The following CARD14 variants were observed in gnomAD, a reference collection of about 807,000 sequenced individuals.
CARD14 encodes the protein caspase recruitment domain-containing protein 14.
A neutral mutation model predicts 111.5 loss-of-function variants in CARD14; 107 were observed. The ratio of observed to expected loss-of-function variants is 0.96; its 90% CI spans 0.82 to 1.13. The LOEUF is 1.13. Among genes scored for constraint, CARD14 ranks in the 50% most tolerant of loss-of-function variants. The pLI is 0.00. For synonymous variants in CARD14, 617 were observed against 579.6 expected, an observed-to-expected ratio of 1.06 and a Z score of -0.93; for missense variants, 1,322 against 1,362.3, an observed-to-expected ratio of 0.97 and a Z score of 0.47.
At position 80,188,060 on chromosome 17, in the gene CARD14, C is replaced by T. The variant is rs2040403985; in HGVS notation, c.676-317C>T. 7 of 756,182 alleles carry T rather than the reference C, an allele frequency of 9.3e-6. No homozygotes were observed. Among genetic ancestry groups the T allele is most frequent in the South Asian group, 6.0e-5 (1 of 16,690 alleles). 46.8% of individuals were successfully genotyped at this position (756,182 alleles called of 1,614,324 possible). On this transcript the variant is annotated intron_variant, in intron 7 of 23. Transcript: ENST00000648509. The surrounding 1 kb of genome is among the most constrained non-coding windows in gnomAD (Gnocchi z 4.5). ...CAGGGAGCATGCTGGCCATCACTGC[C>T]GGCTGCTCAGCTGTAGAGATCCAGG... is the stretch of plus-strand genomic sequence containing the variant.
At chr17:80,194,729 A>AGGG (rs2040648886) in intron 12 of CARD14, among the ~76,000 whole-genome samples, 1 of 152,124 alleles carries the variant, frequency 6.6e-6, no homozygotes, top group Non-Finnish European at 1.5e-5. Flanking sequence ...CCCTTTATAA[A>AGGG]ACCATCAGAT....
chr17:80,189,525 A>C lies in CARD14; in HGVS notation c.844-228A>C, dbSNP rs372380596. Among the ~76,000 whole-genome samples the C allele has an allele frequency of 2.2e-4, 33 of 152,308 alleles. No homozygotes were observed. Among genetic ancestry groups the C allele is most frequent in the South Asian group, 2.1e-3 (10 of 4,826 alleles). Reference sequence around the variant, plus strand: ...GGTAAAGGGAGGAACTGGTGTCCTCAGAGGTTGCCAGCTTCCTGTGTTCCT... The same window carrying C: ...GGTAAAGGGAGGAACTGGTGTCCTCCGAGGTTGCCAGCTTCCTGTGTTCCT... On this transcript the variant is annotated intron_variant, in intron 8 of 23. Coordinates refer to ENST00000648509, the MANE Select transcript of CARD14 (RefSeq NM_001366385.1). The surrounding 1 kb of genome is among the most constrained non-coding windows in gnomAD (Gnocchi z 4.7).
chr17:80,202,164 T>C lies in CARD14; in HGVS notation c.1979-16T>C. On this transcript the variant is annotated splice_polypyrimidine_tract_variant and intron_variant, in intron 17 of 23. Transcript: ENST00000648509. ...GTATCTGTGGCTCATCTGTGGCTCA[T>C]GTCCCCTTTTATCAGGTTATAAGAG... is the stretch of plus-strand genomic sequence containing the variant. 1.9e-6 allele frequency: 3 copies of C among 1,600,132 alleles called. No individual in the cohort carries two copies. Among genetic ancestry groups the C allele is most frequent in the Non-Finnish European group, 2.6e-6 (3 of 1,168,546 alleles).
chr17:80,198,900 G>A lies in CARD14; in HGVS notation c.1851+309G>A. The A allele has an allele frequency of 2.3e-6, 3 of 1,289,158 alleles. No individual in the cohort carries two copies. The highest frequency in any genetic ancestry group is 3.0e-6 in the Non-Finnish European group (3 of 1,016,926). 79.9% of individuals were successfully genotyped at this position (1,289,158 alleles called of 1,614,324 possible). A position where few individuals can be genotyped will look rare whatever the true frequency, so the allele number is the denominator to read the frequency against. On this transcript the variant is annotated intron_variant, in intron 16 of 23. Coordinates refer to ENST00000648509, the MANE Select transcript of CARD14 (RefSeq NM_001366385.1). This position sits in a 1 kb window ranked among gnomAD's most constrained non-coding sequence, Gnocchi z 7.5. ...TGGGTGTGTACAGTAAAATACACGTGACATAAAATTCACTATTTTAACCAC... is the reference window on the plus strand; with the variant it reads ...TGGGTGTGTACAGTAAAATACACGTAACATAAAATTCACTATTTTAACCAC...
At position 80,188,524 on chromosome 17, in the gene CARD14, C is replaced by T. The variant is rs752302933; in HGVS notation, c.823C>T (p.Arg275Cys). Residue 275 changes from arginine to cysteine, a missense_variant, in exon 8 of 24, where the codon CGC (arginine) becomes TGC (cysteine). Transcript: ENST00000648509. The surrounding 1 kb of genome is among the most constrained non-coding windows in gnomAD (Gnocchi z 4.5). ...NRLKEENEKLRSLTFSLAEKD... is the reference protein window; with the variant it reads ...NRLKEENEKLCSLTFSLAEKD... ...CCTGAAGGAGGAGAATGAGAAACTG[C>T]GCTCGCTGACTTTCAGCCTGGTAGG... is the stretch of plus-strand genomic sequence containing the variant. 13 of 1,521,498 alleles carry T rather than the reference C, an allele frequency of 8.5e-6. No homozygotes were observed. Among genetic ancestry groups the T allele is most frequent in the Middle Eastern group, 1.9e-4 (1 of 5,188 alleles). 94.2% of individuals were successfully genotyped at this position (1,521,498 alleles called of 1,614,324 possible). A position where few individuals can be genotyped will look rare whatever the true frequency, so the allele number is the denominator to read the frequency against.
At chr17:80,207,349 G>A (rs926902316) in intron 23 of CARD14, among the ~76,000 whole-genome samples, 1 of 152,180 alleles carries the variant, frequency 6.6e-6, no homozygotes, top group Non-Finnish European at 1.5e-5. Context: ...TCAGCAGTTC[G>A]AGACCAGCCT....
At chr17:80,181,670 C>A in intron 5 of CARD14, 21 bp downstream of exon 5, 1 of 1,526,644 alleles carries the variant, frequency 6.6e-7, no homozygotes, top group Non-Finnish European at 8.8e-7. Context: ...CTCCCTCTTC[C>A]CCACCTCTTC....
At chr17:80,184,590 G>C (rs2040282116) in intron 7 of CARD14, among the ~76,000 whole-genome samples, 1 of 152,256 alleles carries the variant, frequency 6.6e-6, no homozygotes, top group South Asian at 2.1e-4. Context: ...CCCAGCTGCG[G>C]CAGTGACATG....
intron 9 of CARD14, 147 bp downstream of exon 9, chr17:80,190,019 T>A: frequency 8.8e-7 from 1 of 1,135,434 alleles, no homozygotes; most frequent in Non-Finnish European, 1.2e-6. Flanking sequence ...CATCTGTCCC[T>A]TTGTCAGCGC....
intron 23 of CARD14, chr17:80,207,472 A>T (rs1242916206): frequency 6.0e-6 from 1 of 167,180 alleles, no homozygotes; most frequent in Non-Finnish European, 1.3e-5. Context: ...AATTACTTGA[A>T]CTGGGAGGTG....
intron 6 of CARD14, 81 bp from the exon 7 acceptor site, chr17:80,183,816 ATGCTCACCTGCCCACC>A: frequency 2.3e-6 from 2 of 886,702 alleles, no homozygotes; most frequent in Non-Finnish European, 3.1e-6. Flanking sequence ...ACCTGCCCAC[ATGCTCACCTGCCCACC>A]TGCTCACCTG....
At chr17:80,176,525 A>G (rs1467948600) in intron 2 of CARD14, among the ~76,000 whole-genome samples, 1 of 151,554 alleles carries the variant, frequency 6.6e-6, no homozygotes, top group Non-Finnish European at 1.5e-5. Context: ...GTATTCACAG[A>G]TGTGTGCAAT....
At chr17:80,187,237 C>G (rs1449840757) in intron 7 of CARD14, among the ~76,000 whole-genome samples, 5 of 152,226 alleles carry the variant, frequency 3.3e-5, no homozygotes, top group Non-Finnish European at 7.3e-5. Flanking sequence ...GTTTCAGAAT[C>G]ACTCTGCCCA....
intron 12 of CARD14, among the ~76,000 whole-genome samples, chr17:80,193,073 A>G (rs372017368): frequency 5.9e-5 from 9 of 152,316 alleles, no homozygotes; most frequent in African/African-American, 1.9e-4. Context: ...TTTAAACATC[A>G]GAGGTTGATT....
rs2039940470 is a variant in CARD14, at chr17:80,173,044, C to A, written c.-551C>A. ...TACAGGCGAGCACCACCACAGCCGG[C>A]TAATTTTTCTATTTCTAGTAGAAAT... On this transcript the variant is annotated 5_prime_UTR_variant, in exon 2 of 24. Coordinates refer to ENST00000648509, the MANE Select transcript of CARD14 (RefSeq NM_001366385.1). The A allele has an allele frequency of 6.6e-6, 1 of 152,236 alleles. No individual in the cohort carries two copies. Among genetic ancestry groups the A allele is most frequent in the African/African-American group, 2.4e-5 (1 of 41,284 alleles). The allele number at this position is 152,236 out of a possible 1,614,324, so 9.4% of individuals were successfully genotyped here.
At chr17:80,186,188 G>A (rs1023214812) in intron 7 of CARD14, among the ~76,000 whole-genome samples, 12 of 152,120 alleles carry the variant, frequency 7.9e-5, no homozygotes, top group African/African-American at 2.9e-4. Context: ...TGCTGCCCAC[G>A]GCCTCTGCCT....
chr17:80,198,573 G>C lies in CARD14; in HGVS notation c.1833G>C (p.Pro611=), dbSNP rs534430051. ...CGGCGGACCAGATGGCCTTGCGCCC[G>C]GGCACCCAGATTGTGATGGTGAGCC... The part of the protein sequence containing the change: ...GSAADQMALR[P]GTQIVMVDYE... The change falls in exon 16 of 24, where the codon CCG becomes CCC. Residue 611 remains proline (P), a synonymous_variant. Coordinates refer to ENST00000648509, the MANE Select transcript of CARD14 (RefSeq NM_001366385.1). The surrounding 1 kb of genome is among the most constrained non-coding windows in gnomAD (Gnocchi z 7.5). The C allele has an allele frequency of 7.4e-6, 12 of 1,612,428 alleles. No individual in the cohort carries two copies. The highest frequency in any genetic ancestry group is 8.5e-6 in the Non-Finnish European group (10 of 1,179,690).
chr17:80,170,983 G>A (rs1265374748), intron 1 of CARD14, among the ~76,000 whole-genome samples: 1 of 150,838 alleles, frequency 6.6e-6, no homozygotes, highest in South Asian at 2.1e-4. Flanking sequence ...TGGGACTATA[G>A]GTGCACGCCA....
Position 80,191,379 on chromosome 17 carries a change from G to A in CARD14, c.1146G>A (p.Lys382=), listed in dbSNP as rs772222983. ...QREISQSLVE[K]DSLRRQVFEL... ...AGATTTCCCAGAGCCTGGTGGAGAA[G>A]GACTCCCTCCGCAGGCAGGTGTTCG... The change falls in exon 11 of 24, where the codon AAG becomes AAA. Residue 382 remains lysine (K), a synonymous_variant. Coordinates refer to ENST00000648509, the MANE Select transcript of CARD14 (RefSeq NM_001366385.1). 17 of 1,613,966 alleles carry A rather than the reference G, an allele frequency of 1.1e-5. No individual in the cohort carries two copies. Among genetic ancestry groups the A allele is most frequent in the Non-Finnish European group, 1.4e-5 (16 of 1,180,012 alleles).
Sources: gnomAD v4.1 joint callset for allele counts (sites outside exome capture counted in the v4.1 genomes callset) on GRCh38, gnomAD v4.1.1 for gene constraint, Gnocchi (gnomAD v3.1) non-coding constraint, MANE v1.5 for transcripts, NCBI Gene and HGNC (gene_info 2026-07-23, HGNC 2026-07-21) for gene names.